SLC3A2: variants seen among roughly 807,000 people sequenced by gnomAD.
SLC3A2 encodes solute carrier family 3 member 2.
In SLC3A2, 32 loss-of-function variants were observed where a neutral mutation model predicts 48.5. The ratio of observed to expected loss-of-function variants is 0.66; its 90% confidence interval spans 0.50 to 0.89. The LOEUF is 0.89. SLC3A2 is among the 40% of genes least tolerant of loss of function. The probability of loss-of-function intolerance (pLI) is 0.00; values close to 1 mark genes in which losing one functional copy is unlikely to be tolerated. For synonymous variants in SLC3A2, 277 were observed against 288.8 expected (o/e 0.96, Z 0.41); for missense variants, 587 against 680.7 (o/e 0.86, Z 1.53).
At chr11:62,867,065 G>A (rs535784446) in intron 1 of SLC3A2, among the ~76,000 whole-genome samples, 4 of 151,172 alleles carry the variant, frequency 2.6e-5, no homozygotes, top group Non-Finnish European at 4.4e-5. Context: ...ATCTCGGCTC[G>A]CCGCAACCTC....
chr11:62,867,626 T>C (rs1189336236), intron 1 of SLC3A2, among the ~76,000 whole-genome samples: 2 of 152,156 alleles, frequency 1.3e-5, no homozygotes, highest in East Asian at 1.9e-4. Flanking sequence ...GCCCGGCTGC[T>C]TCCCTCTTTC....
rs756487981 is a variant in SLC3A2, at chr11:62,881,214, C to T, written c.191C>T (p.Ser64Phe). The change falls in exon 1 of 9, where the codon TCC (serine) becomes TTC (phenylalanine). Residue 64 changes from serine (S) to phenylalanine (F), a missense_variant. By Grantham distance (155) the Ser-to-Phe change is radical. Around this residue, in one of 3 missense-constraint regions of SLC3A2, gnomAD observed 409 missense variants for 446.7 expected, o/e 0.92. Transcript: ENST00000338663. The surrounding 1 kb of genome is among the most constrained non-coding windows in gnomAD (Gnocchi z 4.0). ...GCCGCGGCTAAGTTCACGGGCCTGT[C>T]CAAGGAGGAGCTGCTGAAGGTGGCA... The part of the protein sequence containing the change: ...AAAAAKFTGL[S>F]KEELLKVAGS... The T allele has an allele frequency of 1.9e-6, 3 of 1,589,018 alleles. No homozygotes were observed. The Admixed American group carries it at 5.6e-5, about 30-fold the overall frequency.
chr11:62,883,289 G>T, intron 3 of SLC3A2: 1 of 370,232 alleles, frequency 2.7e-6, no homozygotes, highest in Non-Finnish European at 5.1e-6. Context: ...TCTTTCTTTT[G>T]GGAGAGGAAG....
chr11:62,869,631 C>A (rs1409830583), intron 1 of SLC3A2, among the ~76,000 whole-genome samples: 1 of 143,428 alleles, frequency 7.0e-6, no homozygotes, highest in Non-Finnish European at 1.5e-5. Flanking sequence ...TTATATGTTT[C>A]ATCTACTTTG....
intron 1 of SLC3A2, among the ~76,000 whole-genome samples, chr11:62,860,741 T>C (rs1175065963): frequency 6.6e-6 from 1 of 152,208 alleles, no homozygotes; most frequent in African/African-American, 2.4e-5. Context: ...GAGAGAAACC[T>C]TGGACGATAC....
In SLC3A2 at chr11:62,888,594, C is replaced by A; in HGVS notation, c.1491C>A (p.Ser497Arg). ...CAGCCAAGGCTGACCTCCTGCTCAG[C>A]ACCCAGCCAGGCCGTGAGGAGGGCT... ...SLPAKADLLLSTQPGREEGSP... is the reference protein window; with the variant it reads ...SLPAKADLLLRTQPGREEGSP... Residue 497 changes from serine (S) to arginine (R), a missense_variant, in exon 9 of 9, where the codon AGC becomes AGA. Transcript: ENST00000338663. The A allele has an allele frequency of 6.2e-7, 1 of 1,613,256 alleles. No homozygotes were observed. Among genetic ancestry groups the A allele is most frequent in the Non-Finnish European group, 8.5e-7 (1 of 1,180,024 alleles).
At chr11:62,872,005 T>C (rs2085522526) in intron 1 of SLC3A2, among the ~76,000 whole-genome samples, 1 of 152,020 alleles carries the variant, frequency 6.6e-6, no homozygotes, top group African/African-American at 2.4e-5. Context: ...CTCCGCCTCC[T>C]GGGTTCACGC....
chr11:62,861,022 T>G (rs2085392949), intron 1 of SLC3A2, among the ~76,000 whole-genome samples: 1 of 152,112 alleles, frequency 6.6e-6, no homozygotes, highest in African/African-American at 2.4e-5. Context: ...TGGAGTTTCT[T>G]ATGTCTTCCT....
At chr11:62,878,786 C>CT (rs1010181279), upstream of SLC3A2, among the ~76,000 whole-genome samples, 9 of 125,228 alleles carry the variant, frequency 7.2e-5, no homozygotes, top group African/African-American at 2.4e-4. Flanking sequence ...CTTTTTTTTT[C>CT]TTTTTTGAGA....
At position 62,885,311 on chromosome 11, in the gene SLC3A2, TCA is replaced by T; in HGVS notation, c.958_959del (p.Gln320ValfsTer50). 1 of 1,614,182 alleles carries T rather than the reference TCA, an allele frequency of 6.2e-7. No homozygotes were observed. Among genetic ancestry groups the T allele is most frequent in the Non-Finnish European group, 8.5e-7 (1 of 1,180,036 alleles). ...ACTGGGGAGCATACAAAATCCCTAG[TCA>T]CACAGTATTTGAATGCCACTGGCAA... On this transcript the variant is annotated frameshift_variant, in exon 6 of 9. Coordinates refer to ENST00000338663, the MANE Select transcript of SLC3A2 (RefSeq NM_001013251.3). LOFTEE classifies it high-confidence loss of function.
At chr11:62,877,553 G>C (rs1409226501), upstream of SLC3A2, among the ~76,000 whole-genome samples, 1 of 152,208 alleles carries the variant, frequency 6.6e-6, no homozygotes, top group Non-Finnish European at 1.5e-5. Flanking sequence ...TAAACAAATG[G>C]GACATGATTG....
In SLC3A2 at chr11:62,856,228, C is replaced by T. The variant is rs954090265; in HGVS notation, c.-42C>T. 6 of 1,531,174 alleles carry T rather than the reference C, an allele frequency of 3.9e-6. No homozygotes were observed. The African/African-American group carries it at 8.2e-5, about 21-fold the overall frequency. 94.8% of individuals were successfully genotyped at this position (1,531,174 alleles called of 1,614,324 possible). On this transcript the variant is annotated 5_prime_UTR_variant, in exon 1 of 10. Transcript: ENST00000377889. ...CCCTCTAACCCTGTTCTGAGCTGCC[C>T]CTTGCCCACACACCCCAAACCTGTG...
chr11:62,869,852 G>A lies in SLC3A2; in HGVS notation c.113-11167G>A, dbSNP rs576262156. ...GGTTGGAGTGCAGTGGCGCGATCTCGGCTCATTGCAACCTCTGCCTCCCGG... is the reference window on the plus strand; with the variant it reads ...GGTTGGAGTGCAGTGGCGCGATCTCAGCTCATTGCAACCTCTGCCTCCCGG... On this transcript the variant is annotated intron_variant, in intron 1 of 9. Transcript: ENST00000377889. Among the ~76,000 whole-genome samples, 8 of 149,948 alleles carry A rather than the reference G, an allele frequency of 5.3e-5. No homozygotes were observed. In the East Asian group the frequency reaches 1.4e-3, roughly 26 times the overall value.
intron 7 of SLC3A2, 49 bp from the exon 8 acceptor site, chr11:62,888,086 C>T: frequency 6.5e-7 from 1 of 1,527,368 alleles, no homozygotes; most frequent in Non-Finnish European, 9.1e-7. Flanking sequence ...TGTGAGCCAC[C>T]ATGCCTGACC....
At chr11:62,865,583 A>AAT (rs2085444597) in intron 1 of SLC3A2, among the ~76,000 whole-genome samples, 2 of 149,558 alleles carry the variant, frequency 1.3e-5, no homozygotes, top group African/African-American at 4.9e-5. Flanking sequence ...AAAAAAAAAA[A>AAT]GTTGGCTTAG....
Position 62,881,633 on chromosome 11 carries a change from C to A in SLC3A2, c.424+186C>A. 1.0e-6 allele frequency: 1 copy of A among 982,070 alleles called. No homozygotes were observed. The highest frequency in any genetic ancestry group is 1.5e-6 in the Non-Finnish European group (1 of 688,550). 60.8% of individuals were successfully genotyped at this position (982,070 alleles called of 1,614,324 possible). On this transcript the variant is annotated intron_variant, in intron 1 of 8. Transcript: ENST00000338663. This position sits in a 1 kb window ranked among gnomAD's most constrained non-coding sequence, Gnocchi z 4.0. ...CCCTCCTTTCTTTGAAGAAAGCCGA[C>A]CCGCCCCTCACTCCGTCACGAGGGT...
chr11:62,856,272 G>T (rs1471511648), exon 1 of SLC3A2: 3 of 1,608,492 alleles, frequency 1.9e-6, no homozygotes, highest in Non-Finnish European at 2.6e-6. Context: ...CCGCCTCCAT[G>T]GAGCTACAGC....
chr11:62,866,293 T>G (rs995354786), intron 1 of SLC3A2, among the ~76,000 whole-genome samples: 1 of 151,930 alleles, frequency 6.6e-6, no homozygotes, highest in African/African-American at 2.4e-5. Context: ...AATTTTTGTA[T>G]TTTTAGTAGA....
At chr11:62,870,867 T>A (rs201005789) in intron 1 of SLC3A2, 2,689 of 176,898 alleles carry the variant, frequency 0.015, 44 homozygotes, top group East Asian at 0.039. Context: ...TTATTATTAT[T>A]ATTATTATTA....
Sources: gnomAD v4.1 joint callset for allele counts (sites outside exome capture counted in the v4.1 genomes callset) on GRCh38, gnomAD v4.1.1 for gene constraint, gnomAD v4.1.1 regional missense constraint, Gnocchi (gnomAD v3.1) non-coding constraint, MANE v1.5 for transcripts, NCBI Gene and HGNC (gene_info 2026-07-23, HGNC 2026-07-21) for gene names.